Variants in COL28A1 observed in about 807,000 individuals in gnomAD.
COL28A1 encodes collagen type XXVIII alpha 1 chain.
COL28A1 carries 161 observed loss-of-function variants against 150.2 expected under a neutral mutation model. The ratio of observed to expected loss-of-function variants is 1.07; its 90% CI spans 0.94 to 1.22. The LOEUF is 1.22. COL28A1 is among the 50% of genes most tolerant of loss of function. The probability of loss-of-function intolerance (pLI) is 0.00; values close to 1 mark genes in which losing one functional copy is unlikely to be tolerated. For synonymous variants in COL28A1, 552 were observed against 469.7 expected (o/e 1.18, Z -2.26); for missense variants, 1,617 against 1,388.3 (o/e 1.16, Z -2.62).
chr7:7,403,395 C>T (rs201062884), intron 27 of COL28A1, among the ~76,000 whole-genome samples: 38 of 152,232 alleles, frequency 2.5e-4, no homozygotes, highest in African/African-American at 7.9e-4. Context: ...GGCTTCTCAA[C>T]GCCTCTTTTG....
chr7:7,413,183 C>T (rs1377329701), intron 27 of COL28A1, among the ~76,000 whole-genome samples: 5 of 152,050 alleles, frequency 3.3e-5, no homozygotes, highest in Non-Finnish European at 7.3e-5. Context: ...CCCAGCCTGT[C>T]ATTGAGGCTA....
intron 27 of COL28A1, among the ~76,000 whole-genome samples, chr7:7,409,525 T>C (rs1783668069): frequency 6.6e-6 from 1 of 152,132 alleles, no homozygotes; most frequent in African/African-American, 2.4e-5. Flanking sequence ...TACTATAGCA[T>C]GATGAGTAGT....
intron 27 of COL28A1, among the ~76,000 whole-genome samples, chr7:7,398,237 A>G (rs1782959477): frequency 6.6e-6 from 1 of 152,226 alleles, no homozygotes; most frequent in Non-Finnish European, 1.5e-5. Context: ...GAATCTAACA[A>G]ATAATAAATA....
chr7:7,375,060 G>A (rs900397617), intron 31 of COL28A1, among the ~76,000 whole-genome samples: 10 of 152,120 alleles, frequency 6.6e-5, no homozygotes, highest in Non-Finnish European at 1.3e-4. Flanking sequence ...TCATGGCTTC[G>A]GGAAAAACAC....
At chr7:7,448,345 C>A (rs1786428233) in intron 18 of COL28A1, among the ~76,000 whole-genome samples, 1 of 151,956 alleles carries the variant, frequency 6.6e-6, no homozygotes, top group Non-Finnish European at 1.5e-5. Flanking sequence ...ATAAGGATAA[C>A]AACACATTTC....
chr7:7,385,922 C>T (rs575024785), intron 27 of COL28A1, among the ~76,000 whole-genome samples: 1 of 152,154 alleles, frequency 6.6e-6, no homozygotes. Flanking sequence ...CAAGTAAATC[C>T]ATGTCTGATC....
chr7:7,481,753 T>A (rs185825069), intron 13 of COL28A1, among the ~76,000 whole-genome samples: 6 of 152,368 alleles, frequency 3.9e-5, no homozygotes, highest in African/African-American at 1.4e-4. Flanking sequence ...TCAATACAAA[T>A]GCTTTCAATA....
intron 3 of COL28A1, among the ~76,000 whole-genome samples, chr7:7,527,290 G>A (rs1018320543): frequency 2.6e-5 from 4 of 152,240 alleles, no homozygotes; most frequent in African/African-American, 9.6e-5. Context: ...ACCCGAGTAG[G>A]AAGGAGGTCC....
At chr7:7,462,478 A>G (rs986639613) in intron 15 of COL28A1, among the ~76,000 whole-genome samples, 3 of 152,232 alleles carry the variant, frequency 2.0e-5, no homozygotes, top group African/African-American at 7.2e-5. Flanking sequence ...AATTTAAAAA[A>G]TGATACAAGA....
At chr7:7,356,409 G>C (rs1780357562), downstream of COL28A1, 2 of 152,146 alleles carry the variant, frequency 1.3e-5, no homozygotes, top group African/African-American at 2.4e-5. Flanking sequence ...TAGAATTTTT[G>C]ATGTTTGCTT....
intron 15 of COL28A1, among the ~76,000 whole-genome samples, chr7:7,459,718 C>T (rs972300350): frequency 1.3e-5 from 2 of 152,134 alleles, no homozygotes; most frequent in African/African-American, 4.8e-5. Flanking sequence ...AAACAAATAG[C>T]CAGTGAGAAA....
intron 25 of COL28A1, among the ~76,000 whole-genome samples, chr7:7,424,325 G>A (rs60124863): frequency 0.022 from 3,351 of 152,194 alleles, 117 homozygotes; most frequent in African/African-American, 0.076. Flanking sequence ...TCCATGGGCC[G>A]TGTGTCCATG....
intron 21 of COL28A1, 57 bp from the exon 22 acceptor site, chr7:7,437,519 A>T: frequency 6.4e-7 from 1 of 1,567,950 alleles, no homozygotes; most frequent in East Asian, 2.3e-5. Flanking sequence ...ATATAGAGAC[A>T]ATATTAAGAA....
intron 26 of COL28A1, among the ~76,000 whole-genome samples, chr7:7,419,043 C>A (rs771518010): frequency 2.5e-4 from 38 of 152,266 alleles, no homozygotes; most frequent in Non-Finnish European, 5.0e-4. Flanking sequence ...ATGAATATAC[C>A]AATTCAAAAT....
intron 1 of COL28A1, among the ~76,000 whole-genome samples, chr7:7,533,829 A>C (rs1782500494): frequency 1.3e-5 from 2 of 152,176 alleles, no homozygotes; most frequent in Admixed American, 1.3e-4. Context: ...TATACCCAAG[A>C]GAATGGGAAC....
intron 27 of COL28A1, among the ~76,000 whole-genome samples, chr7:7,383,704 G>GTATA (rs56109718): frequency 3.5e-5 from 5 of 140,862 alleles, no homozygotes; most frequent in Non-Finnish European, 6.1e-5. Flanking sequence ...ATATATATAT[G>GTATA]TATATGAGAT....
At chr7:7,428,160 TAAC>T (rs1382292465) in intron 25 of COL28A1, among the ~76,000 whole-genome samples, 1 of 152,208 alleles carries the variant, frequency 6.6e-6, no homozygotes, top group Non-Finnish European at 1.5e-5. Flanking sequence ...ATACCTGTAA[TAAC>T]AACAACAATC....
At chr7:7,464,576 T>C (rs1787913212) in intron 15 of COL28A1, among the ~76,000 whole-genome samples, 1 of 152,148 alleles carries the variant, frequency 6.6e-6, no homozygotes, top group Non-Finnish European at 1.5e-5. Flanking sequence ...GGGTCAAAAA[T>C]GAAATCAAGA....
the COL28A1 span, among the ~76,000 whole-genome samples, chr7:7,542,836 C>T: frequency 9.2e-5 from 14 of 152,056 alleles, no homozygotes; most frequent in African/African-American, 2.9e-4. Context: ...AGAGATAAGG[C>T]TCTCAAGTAC....
Sources: gnomAD v4.1 joint callset for allele counts (sites outside exome capture counted in the v4.1 genomes callset) on GRCh38, gnomAD v4.1.1 for gene constraint, MANE v1.5 for transcripts, NCBI Gene and HGNC (gene_info 2026-07-23, HGNC 2026-07-21) for gene names.